The following SRBD1 variants were observed in gnomAD, a reference collection of about 807,000 sequenced individuals.
The protein encoded by SRBD1 is S1 RNA-binding domain-containing protein 1.
Under a neutral mutation model 115.3 loss-of-function variants are expected in SRBD1, and 88 were observed. The observed-to-expected ratio is 0.76, with a 90% CI of 0.64 to 0.91. The LOEUF is 0.91. SRBD1 is among the 40% of genes least tolerant of loss of function. The pLI is 0.00. For synonymous variants in SRBD1, 509 were observed against 407.7 expected, an observed-to-expected ratio of 1.25 and a Z score of -2.99; for missense variants, 1,385 against 1,177.4, an observed-to-expected ratio of 1.18 and a Z score of -2.58.
chr2:45,460,153 A>T (rs1266931976), intron 16 of SRBD1, among the ~76,000 whole-genome samples: 1 of 152,178 alleles, frequency 6.6e-6, no homozygotes, highest in Non-Finnish European at 1.5e-5. Flanking sequence ...TTTTATTCAC[A>T]ATCATGCCCT....
intron 14 of SRBD1, among the ~76,000 whole-genome samples, chr2:45,532,074 T>C (rs902119935): frequency 1.3e-5 from 2 of 151,720 alleles, no homozygotes; most frequent in African/African-American, 4.8e-5. Context: ...AAAAACAATC[T>C]TGGGAGGGGC....
chr2:45,487,557 A>T (rs1324473555), intron 15 of SRBD1, among the ~76,000 whole-genome samples: 1 of 152,200 alleles, frequency 6.6e-6, no homozygotes, highest in African/African-American at 2.4e-5. Flanking sequence ...TATTACAAAT[A>T]TTTTTATGTT....
chr2:45,508,000 C>T (rs1277721954), intron 14 of SRBD1, among the ~76,000 whole-genome samples: 6 of 152,146 alleles, frequency 3.9e-5, no homozygotes, highest in African/African-American at 1.4e-4. Context: ...TGACATTTCT[C>T]CCATCCCTTC....
intron 12 of SRBD1, among the ~76,000 whole-genome samples, chr2:45,548,512 T>C (rs928633458): frequency 3.3e-5 from 5 of 152,246 alleles, no homozygotes; most frequent in African/African-American, 1.2e-4. Flanking sequence ...AGAATATAGA[T>C]GTGTTTGTGA....
chr2:45,402,431 C>T (rs1024112517), intron 19 of SRBD1, among the ~76,000 whole-genome samples: 1 of 152,138 alleles, frequency 6.6e-6, no homozygotes, highest in African/African-American at 2.4e-5. Context: ...CAAATAAGCA[C>T]ATCAGCAGAA....
chr2:45,551,583 G>C (rs184821897), intron 11 of SRBD1, among the ~76,000 whole-genome samples: 1 of 152,148 alleles, frequency 6.6e-6, no homozygotes, highest in Non-Finnish European at 1.5e-5. Flanking sequence ...GAAAGACAGA[G>C]AGTGTACGCA....
At chr2:45,500,669 GC>G (rs1188444177) in intron 14 of SRBD1, among the ~76,000 whole-genome samples, 2 of 152,076 alleles carry the variant, frequency 1.3e-5, no homozygotes, top group Non-Finnish European at 2.9e-5. Flanking sequence ...GCCCGTTTCG[GC>G]CTCCCAAAGT....
At chr2:45,492,455 T>C (rs963401406) in intron 14 of SRBD1, among the ~76,000 whole-genome samples, 5 of 152,296 alleles carry the variant, frequency 3.3e-5, no homozygotes, top group East Asian at 3.9e-4. Context: ...GTTGTTGTTT[T>C]TGAGACAGAG....
At chr2:45,514,078 T>C (rs573870788) in intron 14 of SRBD1, among the ~76,000 whole-genome samples, 1 of 152,060 alleles carries the variant, frequency 6.6e-6, no homozygotes. Flanking sequence ...GGGGTTAAAG[T>C]AAGAAATAAA....
intron 15 of SRBD1, among the ~76,000 whole-genome samples, chr2:45,487,641 A>G (rs1427646486): frequency 6.6e-6 from 1 of 152,022 alleles, no homozygotes; most frequent in African/African-American, 2.4e-5. Context: ...AGGATCTTTT[A>G]TTATTAATAT....
intron 19 of SRBD1, among the ~76,000 whole-genome samples, chr2:45,405,275 G>C (rs1266974349): frequency 6.6e-6 from 1 of 152,152 alleles, no homozygotes; most frequent in Non-Finnish European, 1.5e-5. Flanking sequence ...TCTAGCCTAA[G>C]TTAATGGAAA....
chr2:45,509,855 C>A (rs984058800), intron 14 of SRBD1, among the ~76,000 whole-genome samples: 1 of 152,120 alleles, frequency 6.6e-6, no homozygotes, highest in African/African-American at 2.4e-5. Context: ...CCATCTCAGC[C>A]TCCTGAGTAG....
chr2:45,500,031 G>C (rs1324935091), intron 14 of SRBD1, among the ~76,000 whole-genome samples: 2 of 152,094 alleles, frequency 1.3e-5, no homozygotes, highest in East Asian at 3.8e-4. Flanking sequence ...CTTCTATGAA[G>C]AATGTCATTG....
intron 14 of SRBD1, among the ~76,000 whole-genome samples, chr2:45,500,289 G>C (rs1670589538): frequency 6.6e-6 from 1 of 151,494 alleles, no homozygotes; most frequent in South Asian, 2.1e-4. Context: ...CTGTGTGTGT[G>C]TGTGTGTGTG....
At chr2:45,448,374 A>C (rs890392702) in intron 16 of SRBD1, among the ~76,000 whole-genome samples, 3 of 152,188 alleles carry the variant, frequency 2.0e-5, no homozygotes, top group Non-Finnish European at 4.4e-5. Context: ...AAACATTATG[A>C]TCACCATGAC....
At chr2:45,472,044 A>ATTTATATACTTTATATAC (rs540007775) in intron 16 of SRBD1, among the ~76,000 whole-genome samples, 135 of 152,302 alleles carry the variant, frequency 8.9e-4, no homozygotes, top group African/African-American at 3.1e-3. Context: ...CAGCAGCATT[A>ATTTATATACTTTATATAC]TTTATAATAC....
chr2:45,414,965 T>G (rs893299533), intron 18 of SRBD1, among the ~76,000 whole-genome samples: 1 of 107,428 alleles, frequency 9.3e-6, no homozygotes, highest in East Asian at 3.1e-4. Context: ...CACACACATA[T>G]AGTGTGTATA....
At chr2:45,602,493 GT>G (rs1486432638) in intron 2 of SRBD1, among the ~76,000 whole-genome samples, 2 of 152,168 alleles carry the variant, frequency 1.3e-5, no homozygotes, top group Admixed American at 6.5e-5. Flanking sequence ...CATTTAAATT[GT>G]ATTAAGTTAT....
At chr2:45,439,841 T>C (rs1186054248) in intron 16 of SRBD1, among the ~76,000 whole-genome samples, 14 of 151,792 alleles carry the variant, frequency 9.2e-5, no homozygotes, top group Non-Finnish European at 1.5e-5. Context: ...GTTTCTAACC[T>C]GGTAGGCCAG....
Sources: allele counts gnomAD v4.1 joint callset (sites outside exome capture counted in the v4.1 genomes callset), GRCh38; gene constraint gnomAD v4.1.1; transcripts MANE v1.5; gene names NCBI Gene and HGNC (gene_info 2026-07-23, HGNC 2026-07-21).